MAGI1: variants seen among roughly 807,000 people sequenced by gnomAD.
MAGI1 encodes membrane associated guanylate kinase, WW and PDZ domain containing 1.
In MAGI1, 58 loss-of-function variants were observed where a neutral mutation model predicts 139.9. The ratio of observed to expected loss-of-function variants is 0.41; its 90% CI spans 0.34 to 0.52. The LOEUF (loss-of-function observed/expected upper bound fraction) is 0.52. Among genes scored for constraint, MAGI1 ranks in the 20% least tolerant of loss-of-function variants. The pLI, the probability that MAGI1 is intolerant of heterozygous loss-of-function variation, is 0.12. For missense variants in MAGI1, 1,874 were observed against 1,901.6 expected (o/e 0.99, Z 0.27); for synonymous variants, 812 against 737.9 (o/e 1.10, Z -1.63).
chr3:65,465,721 G>A (rs1176404031), intron 5 of MAGI1, among the ~76,000 whole-genome samples: 1 of 152,048 alleles, frequency 6.6e-6, no homozygotes, highest in Non-Finnish European at 1.5e-5. Flanking sequence ...GTTTTCTTTG[G>A]ATTCAGCCAG....
chr3:66,018,965 G>A (rs2067820805), intron 1 of MAGI1, among the ~76,000 whole-genome samples: 1 of 152,136 alleles, frequency 6.6e-6, no homozygotes, highest in Non-Finnish European at 1.5e-5. Context: ...CAATTGGAAG[G>A]TACCTACCCA....
At chr3:65,711,880 T>C (rs1017877469) in intron 1 of MAGI1, among the ~76,000 whole-genome samples, 1 of 152,238 alleles carries the variant, frequency 6.6e-6, no homozygotes, top group Non-Finnish European at 1.5e-5. Context: ...TACCTTGTTA[T>C]GGCAGCCTCG....
intron 17 of MAGI1, among the ~76,000 whole-genome samples, chr3:65,378,053 T>C (rs1176135310): frequency 1.3e-5 from 2 of 152,172 alleles, no homozygotes; most frequent in African/African-American, 4.8e-5. Context: ...CCCTTCCCCT[T>C]CTCCCATTGT....
chr3:65,779,425 C>T (rs1157675626), intron 1 of MAGI1, among the ~76,000 whole-genome samples: 2 of 152,258 alleles, frequency 1.3e-5, no homozygotes, highest in African/African-American at 2.4e-5. Context: ...AAGCACTCAA[C>T]TTTTTTCCAA....
intron 1 of MAGI1, among the ~76,000 whole-genome samples, chr3:65,684,860 C>A (rs2087888751): frequency 2.0e-5 from 3 of 149,090 alleles, no homozygotes; most frequent in African/African-American, 7.5e-5. Flanking sequence ...AGCCACCACA[C>A]CTGGCTAATT....
intron 1 of MAGI1, among the ~76,000 whole-genome samples, chr3:65,954,071 C>T (rs2063992788): frequency 6.6e-6 from 1 of 151,900 alleles, no homozygotes; most frequent in Admixed American, 6.6e-5. Context: ...ATATTTTTAC[C>T]CCAACCCCCC....
chr3:65,804,411 T>C (rs1271011984), intron 1 of MAGI1, among the ~76,000 whole-genome samples: 1 of 151,720 alleles, frequency 6.6e-6, no homozygotes, highest in Non-Finnish European at 1.5e-5. Flanking sequence ...AACTGATATA[T>C]ATAAATATTG....
intron 5 of MAGI1, among the ~76,000 whole-genome samples, chr3:65,469,354 G>A (rs551281882): frequency 6.6e-6 from 1 of 151,898 alleles, no homozygotes; most frequent in Non-Finnish European, 1.5e-5. Flanking sequence ...TTCTTTCTCA[G>A]TGGTACATTA....
chr3:65,783,661 A>ATT (rs1316382295), intron 1 of MAGI1, among the ~76,000 whole-genome samples: 2 of 151,182 alleles, frequency 1.3e-5, no homozygotes, highest in Non-Finnish European at 2.9e-5. Flanking sequence ...TGCCCAGCTA[A>ATT]TTTTTTTTGT....
At chr3:65,941,400 A>T (rs1421086966) in intron 1 of MAGI1, among the ~76,000 whole-genome samples, 1 of 152,194 alleles carries the variant, frequency 6.6e-6, no homozygotes, top group East Asian at 1.9e-4. Flanking sequence ...CAGTTCACTA[A>T]TACAAAACGG....
rs781549205 is a variant in MAGI1, at chr3:65,493,496, C to T, written c.550+16G>A. ...CCAGGAGAGAAGCTTTTTATGCTGT[C>T]GTACAAGTAACTCACCTTCATAGGT... On this transcript the variant is annotated intron_variant, in intron 3 of 22. Transcript: ENST00000402939. 8.1e-6 allele frequency: 13 copies of T among 1,614,028 alleles called. No homozygotes were observed. Among genetic ancestry groups the T allele is most frequent in the Admixed American group, 3.3e-5 (2 of 60,026 alleles).
At chr3:65,588,343 G>A (rs567011092) in intron 2 of MAGI1, among the ~76,000 whole-genome samples, 25 of 152,042 alleles carry the variant, frequency 1.6e-4, no homozygotes, top group Middle Eastern at 3.2e-3. Context: ...AAGGTGGAGC[G>A]TTTGCATTCA....
intron 1 of MAGI1, among the ~76,000 whole-genome samples, chr3:65,833,322 T>A (rs908026749): frequency 2.0e-5 from 3 of 152,106 alleles, no homozygotes; most frequent in Non-Finnish European, 2.9e-5. Flanking sequence ...TTTCACCATA[T>A]TGGCCAGGCT....
chr3:65,663,965 GT>G (rs1576644081), intron 1 of MAGI1, among the ~76,000 whole-genome samples: 1 of 152,114 alleles, frequency 6.6e-6, no homozygotes, highest in East Asian at 1.9e-4. Flanking sequence ...ATGTCAAGTC[GT>G]GTTGACAGAT....
intron 1 of MAGI1, among the ~76,000 whole-genome samples, chr3:65,728,088 A>G (rs1194583992): frequency 6.6e-6 from 1 of 152,168 alleles, no homozygotes; most frequent in Admixed American, 6.5e-5. Flanking sequence ...TTGTCAGAAT[A>G]GCATTTTCCA....
intron 14 of MAGI1, among the ~76,000 whole-genome samples, chr3:65,386,872 G>A (rs1335675776): frequency 1.3e-5 from 2 of 152,064 alleles, no homozygotes; most frequent in Non-Finnish European, 2.9e-5. Flanking sequence ...AGAAAGAATG[G>A]ACCCACCAGA....
At chr3:65,938,780 C>T (rs1370332395) in intron 1 of MAGI1, among the ~76,000 whole-genome samples, 1 of 152,140 alleles carries the variant, frequency 6.6e-6, no homozygotes, top group African/African-American at 2.4e-5. Context: ...TTAAACATTT[C>T]CTGCAATGAG....
chr3:65,368,599 A>G (rs1380968823), intron 18 of MAGI1, among the ~76,000 whole-genome samples: 1 of 152,226 alleles, frequency 6.6e-6, no homozygotes, highest in Admixed American at 6.5e-5. Flanking sequence ...AGCCAAGCAA[A>G]TCAACAAAGG....
chr3:65,854,447 G>A (rs2059307345), intron 1 of MAGI1, among the ~76,000 whole-genome samples: 1 of 152,164 alleles, frequency 6.6e-6, no homozygotes. Context: ...GCAATAATGT[G>A]CCTCCATCTC....
Sources: gnomAD v4.1 joint callset for allele counts (sites outside exome capture counted in the v4.1 genomes callset) on GRCh38, gnomAD v4.1.1 for gene constraint, MANE v1.5 for transcripts, NCBI Gene and HGNC (gene_info 2026-07-23, HGNC 2026-07-21) for gene names.